Variants in C16orf95 observed in about 807,000 individuals in gnomAD.
C16orf95 encodes uncharacterized protein C16orf95.
C16orf95 carries 41 observed loss-of-function variants against 32.1 expected under a neutral mutation model. That is an observed-to-expected ratio of 1.28 (90% confidence interval 1.00 to 1.66). The LOEUF (loss-of-function observed/expected upper bound fraction) is 1.66. C16orf95 is among the 40% of genes most tolerant of loss of function. The pLI is 0.00. For synonymous variants in C16orf95, 147 were observed against 128.9 expected (o/e 1.14, Z -0.95); for missense variants, 399 against 325.9 (o/e 1.22, Z -1.73).
intron 5 of C16orf95, 131 bp from the exon 6 acceptor site, chr16:87,306,036 G>T (rs930902089): frequency 3.2e-6 from 2 of 629,010 alleles, no homozygotes; most frequent in Non-Finnish European, 4.9e-6. Flanking sequence ...CAGCCCCGGG[G>T]TGGGGACACT....
chr16:87,311,121 T>A lies in C16orf95; in HGVS notation c.477+29A>T, dbSNP rs1341711053. 8.8e-6 allele frequency: 13 copies of A among 1,477,410 alleles called. No homozygotes were observed. The South Asian group carries it at 1.2e-4, about 13-fold the overall frequency. 91.5% of individuals were successfully genotyped at this position (1,477,410 alleles called of 1,614,324 possible). A position where few individuals can be genotyped will look rare whatever the true frequency, so the allele number is the denominator to read the frequency against. The stretch of plus-strand genomic sequence containing the variant: ...CCCGGCCCCCACCTCACTCTTCAGT[T>A]CTCACTGCAGTGTGCGCCTCCTCCT... On this transcript the variant is annotated intron_variant, in intron 4 of 6. Coordinates refer to ENST00000567970, the MANE Select transcript of C16orf95 (RefSeq NM_001195124.3).
chr16:87,315,350 A>G (rs375079614), intron 2 of C16orf95, among the ~76,000 whole-genome samples: 1 of 152,336 alleles, frequency 6.6e-6, no homozygotes, highest in South Asian at 2.1e-4. Flanking sequence ...CTGTGCTACA[A>G]TGAGCAAGTC....
chr16:87,316,141 C>T (rs1358830622), intron 1 of C16orf95, among the ~76,000 whole-genome samples: 2 of 152,218 alleles, frequency 1.3e-5, no homozygotes, highest in African/African-American at 4.8e-5. Context: ...AGCATTCCAA[C>T]CTGCTGAGAA....
At chr16:87,303,249 T>A (rs1416044987) in intron 6 of C16orf95, 174 bp from the exon 7 acceptor site, 3 of 627,160 alleles carry the variant, frequency 4.8e-6, no homozygotes, top group Admixed American at 2.7e-5. Flanking sequence ...TGGGGTGCAG[T>A]CCTGGCCATA....
rs542992166 is a variant in C16orf95, at chr16:87,315,533, A to T, written c.204+239T>A. Among the ~76,000 whole-genome samples, 23 of 152,350 alleles carry T rather than the reference A, an allele frequency of 1.5e-4. No individual in the cohort carries two copies. The South Asian group carries it at 4.6e-3, about 30-fold the overall frequency. ...AAGGAGAGGTGCTGCCATCACCTCC[A>T]GGGGCACACGGAGAAGCTGATGCCC... On this transcript the variant is annotated intron_variant, in intron 2 of 6. Coordinates refer to ENST00000567970, the MANE Select transcript of C16orf95 (RefSeq NM_001195124.3).
At chr16:87,304,532 A>G (rs1910923633) in intron 6 of C16orf95, among the ~76,000 whole-genome samples, 1 of 152,150 alleles carries the variant, frequency 6.6e-6, no homozygotes, top group African/African-American at 2.4e-5. Flanking sequence ...AAAACGACAA[A>G]GAAGGAAAGC....
At chr16:87,308,961 C>G (rs748412119) in intron 5 of C16orf95, among the ~76,000 whole-genome samples, 2 of 152,220 alleles carry the variant, frequency 1.3e-5, no homozygotes, top group East Asian at 1.9e-4. Context: ...AGGGCATGAA[C>G]ACGATGAATG....
In C16orf95 at chr16:87,305,783, G is replaced by A. The variant is rs945159991; in HGVS notation, c.637C>T (p.Arg213Cys). The change falls in exon 6 of 7, where the codon CGT becomes TGT. Residue 213 changes from arginine (R) to cysteine (C), a missense_variant. Arg to Cys is a radical substitution (Grantham distance 180). Coordinates refer to ENST00000567970, the MANE Select transcript of C16orf95 (RefSeq NM_001195124.3). This position sits in a 1 kb window ranked among gnomAD's most constrained non-coding sequence, Gnocchi z 4.2. ...YQDQLPAPAARLLPLGLLTLL... is the reference protein window; with the variant it reads ...YQDQLPAPAACLLPLGLLTLL... Reference sequence around the variant, plus strand: ...GTCAGGAGGCCGAGGGGCAGCAGACGCGCTGCAGGAGCCGGTAGCTGGTCC... The same window carrying A: ...GTCAGGAGGCCGAGGGGCAGCAGACACGCTGCAGGAGCCGGTAGCTGGTCC... The A allele has an allele frequency of 1.3e-5, 19 of 1,518,862 alleles. No homozygotes were observed. The highest frequency in any genetic ancestry group is 1.7e-4 in the Middle Eastern group (1 of 5,942). The allele number at this position is 1,518,862 out of a possible 1,614,324, so 94.1% of individuals were successfully genotyped here.
chr16:87,308,582 C>CA (rs200537971), intron 5 of C16orf95, among the ~76,000 whole-genome samples: 2,025 of 152,248 alleles, frequency 0.013, 20 homozygotes, highest in Non-Finnish European at 0.021. Context: ...TTGAGCATCC[C>CA]AAAAAACTGT....
chr16:87,315,237 G>C (rs1904310179), intron 2 of C16orf95, 141 bp from the exon 3 acceptor site: 3 of 893,042 alleles, frequency 3.4e-6, no homozygotes. Flanking sequence ...AGCTTGGAAA[G>C]AGGCAGGCTA....
At chr16:87,312,414 C>G (rs1326332185) in intron 3 of C16orf95, among the ~76,000 whole-genome samples, 4 of 151,826 alleles carry the variant, frequency 2.6e-5, no homozygotes, top group African/African-American at 7.3e-5. Flanking sequence ...ACTAAAAATA[C>G]AAAAATTAGC....
intron 6 of C16orf95, among the ~76,000 whole-genome samples, chr16:87,304,980 C>T (rs761836787): frequency 1.3e-5 from 2 of 152,240 alleles, no homozygotes; most frequent in Admixed American, 6.5e-5. Context: ...CAGGTCTCCT[C>T]ATCCATGCAG....
chr16:87,314,039 C>T (rs1055556006), intron 3 of C16orf95, among the ~76,000 whole-genome samples: 11 of 151,970 alleles, frequency 7.2e-5, no homozygotes, highest in Admixed American at 2.0e-4. Context: ...GTGTTGGTGA[C>T]GATGTGAGGA....
chr16:87,302,921 G>T lies in C16orf95; in HGVS notation c.*136C>A. 3 of 877,620 alleles carry T rather than the reference G, an allele frequency of 3.4e-6. No homozygotes were observed. Among genetic ancestry groups the T allele is most frequent in the African/African-American group, 1.7e-5 (1 of 60,500 alleles). 54.4% of individuals were successfully genotyped at this position (877,620 alleles called of 1,614,324 possible). A position where few individuals can be genotyped will look rare whatever the true frequency, so the allele number is the denominator to read the frequency against. On this transcript the variant is annotated 3_prime_UTR_variant, in exon 7 of 7. Transcript: ENST00000567970. ...GAATCACCTGATGAGAAATCATTTG[G>T]GTTGAATCCTGGGTGTGGATTCTGT...
Position 87,310,640 on chromosome 16 carries a change from G to A in C16orf95, c.478-307C>T, listed in dbSNP as rs545801025. Among the ~76,000 whole-genome samples the A allele has an allele frequency of 4.7e-4, 71 of 152,334 alleles. 1 individual carries two copies. The highest frequency in any genetic ancestry group is 2.2e-3 in the Admixed American group (33 of 15,306). On this transcript the variant is annotated intron_variant, in intron 4 of 6. Transcript: ENST00000567970. ...GACCTGCTGCCGCTGCCCAGAACTA[G>A]CGCTGTGGAGGCGGCCAGCAAGAGC... is the stretch of plus-strand genomic sequence containing the variant.
chr16:87,312,646 G>A (rs1486867727), intron 3 of C16orf95, among the ~76,000 whole-genome samples: 1 of 151,084 alleles, frequency 6.6e-6, no homozygotes, highest in East Asian at 1.9e-4. Context: ...GGACAAGAAT[G>A]TCTCCTCTCA....
rs1910965343 is a variant in C16orf95, at chr16:87,305,334, G to T, written c.701+385C>A. On this transcript the variant is annotated intron_variant, in intron 6 of 6. Transcript: ENST00000567970. The surrounding 1 kb of genome is among the most constrained non-coding windows in gnomAD (Gnocchi z 4.2). The stretch of plus-strand genomic sequence containing the variant: ...CAGGCAAGAGGTCCCCATACCTGAG[G>T]GGGTGCTCAGAGCTCAGAGGCTGGA... Among the ~76,000 whole-genome samples, 1 of 152,170 alleles carries T rather than the reference G, an allele frequency of 6.6e-6. No homozygotes were observed. The highest frequency in any genetic ancestry group is 6.5e-5 in the Admixed American group (1 of 15,284).
At chr16:87,304,634 G>A (rs1302818484) in intron 6 of C16orf95, among the ~76,000 whole-genome samples, 1 of 152,218 alleles carries the variant, frequency 6.6e-6, no homozygotes, top group Non-Finnish European at 1.5e-5. Flanking sequence ...ATGGCCTGGA[G>A]AGGCTGGCGC....
intron 2 of C16orf95, among the ~76,000 whole-genome samples, chr16:87,315,490 G>C (rs909792913): frequency 6.6e-6 from 1 of 152,134 alleles, no homozygotes; most frequent in Non-Finnish European, 1.5e-5. Context: ...TGTGACCTTC[G>C]CAACACCCTC....
Sources: allele counts gnomAD v4.1 joint callset (sites outside exome capture counted in the v4.1 genomes callset), GRCh38; gene constraint gnomAD v4.1.1; non-coding constraint Gnocchi (gnomAD v3.1); transcripts MANE v1.5; gene names NCBI Gene and HGNC (gene_info 2026-07-23, HGNC 2026-07-21).